Variants in KCNMA1 observed in about 807,000 individuals in gnomAD.
The protein encoded by KCNMA1 is Calcium-activated potassium channel subunit alpha-1.
KCNMA1 carries 29 observed loss-of-function variants against 140.0 expected under a neutral mutation model. The observed-to-expected ratio is 0.21, with a 90% CI of 0.15 to 0.28. KCNMA1 has a LOEUF of 0.28. KCNMA1 is among the 10% of genes least tolerant of loss of function. The probability of loss-of-function intolerance (pLI) is 1.00; values close to 1 mark genes in which losing one functional copy is unlikely to be tolerated. For synonymous variants in KCNMA1, 612 were observed against 611.9 expected, an observed-to-expected ratio of 1.00 and a Z score of 0.00; for missense variants, 880 against 1,602.2, an observed-to-expected ratio of 0.55 and a Z score of 7.70.
chr10:77,113,711 G>A (rs1388581349), intron 6 of KCNMA1, among the ~76,000 whole-genome samples: 13 of 152,204 alleles, frequency 8.5e-5, no homozygotes, highest in Admixed American at 2.0e-4. Context: ...TGATCTGCCC[G>A]CCTTGGCCTC....
chr10:77,574,955 C>T (rs2073476552), intron 1 of KCNMA1, among the ~76,000 whole-genome samples: 1 of 152,198 alleles, frequency 6.6e-6, no homozygotes, highest in South Asian at 2.1e-4. Flanking sequence ...CTGACCACTG[C>T]AGGGGCTGGG....
At chr10:77,567,610 C>T (rs75982477) in intron 1 of KCNMA1, among the ~76,000 whole-genome samples, 5,330 of 152,244 alleles carry the variant, frequency 0.035, 167 homozygotes, top group Non-Finnish European at 0.045. Context: ...CAGATCCTTT[C>T]AAAAACTATC....
At chr10:76,961,874 G>A (rs1565212952) in intron 20 of KCNMA1, among the ~76,000 whole-genome samples, 1 of 152,026 alleles carries the variant, frequency 6.6e-6, no homozygotes, top group African/African-American at 2.4e-5. Context: ...ATATGCACTA[G>A]AAAAAAAATG....
At chr10:77,452,377 T>TG (rs1566932723) in intron 1 of KCNMA1, among the ~76,000 whole-genome samples, 1 of 152,128 alleles carries the variant, frequency 6.6e-6, no homozygotes. Flanking sequence ...GAGCTGGGAA[T>TG]GGGGGGTTAA....
intron 1 of KCNMA1, among the ~76,000 whole-genome samples, chr10:77,557,903 G>T (rs1019596794): frequency 1.3e-5 from 2 of 152,018 alleles, no homozygotes; most frequent in African/African-American, 4.8e-5. Context: ...GCCGGCCTCG[G>T]GCTCCCCTCT....
chr10:77,165,823 A>G (rs1424571320), intron 5 of KCNMA1, among the ~76,000 whole-genome samples: 1 of 152,194 alleles, frequency 6.6e-6, no homozygotes, highest in East Asian at 1.9e-4. Flanking sequence ...GAAAGTTAAA[A>G]ACGTAGGACC....
At chr10:77,408,407 TGA>T (rs1328940730) in intron 1 of KCNMA1, among the ~76,000 whole-genome samples, 9 of 151,934 alleles carry the variant, frequency 5.9e-5, no homozygotes, top group Non-Finnish European at 1.2e-4. Flanking sequence ...TGTGCATGTG[TGA>T]GAGTGTGTGC....
At chr10:76,899,230 A>T (rs2043974631) in intron 25 of KCNMA1, among the ~76,000 whole-genome samples, 1 of 152,230 alleles carries the variant, frequency 6.6e-6, no homozygotes, top group Admixed American at 6.5e-5. Context: ...TTGTTGTTTG[A>T]CATATGTGTA....
At chr10:77,402,981 C>A (rs1392652299) in intron 2 of KCNMA1, among the ~76,000 whole-genome samples, 1 of 152,166 alleles carries the variant, frequency 6.6e-6, no homozygotes, top group African/African-American at 2.4e-5. Flanking sequence ...TAGGGCTTTC[C>A]TAGAGCATGG....
At chr10:77,015,713 G>A (rs1487481704) in intron 17 of KCNMA1, among the ~76,000 whole-genome samples, 1 of 151,856 alleles carries the variant, frequency 6.6e-6, no homozygotes, top group African/African-American at 2.4e-5. Context: ...CCTCATCTTG[G>A]TTAAGATCAA....
At chr10:76,956,216 C>A (rs367979274) in intron 20 of KCNMA1, among the ~76,000 whole-genome samples, 1 of 152,050 alleles carries the variant, frequency 6.6e-6, no homozygotes, top group Non-Finnish European at 1.5e-5. Context: ...AATAAGCAAG[C>A]CTGATGATCG....
intron 1 of KCNMA1, among the ~76,000 whole-genome samples, chr10:77,593,722 C>T (rs996850225): frequency 2.0e-5 from 3 of 152,194 alleles, no homozygotes; most frequent in Admixed American, 6.5e-5. Flanking sequence ...CAGCCCTGAG[C>T]GTAGGACTCA....
chr10:77,474,244 C>G (rs995590015), intron 1 of KCNMA1, among the ~76,000 whole-genome samples: 2 of 152,198 alleles, frequency 1.3e-5, no homozygotes, highest in African/African-American at 4.8e-5. Flanking sequence ...CCTGCAAATC[C>G]ACATGTTCAT....
chr10:77,095,480 C>T (rs1167989716), intron 9 of KCNMA1, among the ~76,000 whole-genome samples: 2 of 152,100 alleles, frequency 1.3e-5, no homozygotes, highest in African/African-American at 4.8e-5. Context: ...CAAGTAGTGC[C>T]TGGTGCTGGG....
chr10:77,439,130 G>T (rs574721241), intron 1 of KCNMA1, among the ~76,000 whole-genome samples: 8 of 144,856 alleles, frequency 5.5e-5, no homozygotes, highest in Admixed American at 1.4e-4. Context: ...GAGAAGAGAA[G>T]AGAAGAGAAG....
At chr10:77,004,369 A>G (rs1013743909) in intron 18 of KCNMA1, among the ~76,000 whole-genome samples, 3 of 152,154 alleles carry the variant, frequency 2.0e-5, no homozygotes, top group Non-Finnish European at 4.4e-5. Flanking sequence ...TCAAGGTGCC[A>G]CCAACTGGGA....
At chr10:77,377,979 C>G (rs550040964) in intron 2 of KCNMA1, among the ~76,000 whole-genome samples, 1 of 152,328 alleles carries the variant, frequency 6.6e-6, no homozygotes, top group African/African-American at 2.4e-5. Context: ...TTTGCCCTTT[C>G]CAGCATCACA....
intron 3 of KCNMA1, among the ~76,000 whole-genome samples, chr10:77,219,782 G>A (rs1399008025): frequency 6.6e-6 from 1 of 152,130 alleles, no homozygotes; most frequent in Non-Finnish European, 1.5e-5. Flanking sequence ...ACCACACCTG[G>A]CTAATTTAGC....
In KCNMA1 at chr10:77,028,033, G is replaced by A. The variant is rs565154809; in HGVS notation, c.1860-142C>T. 1.4e-4 allele frequency: 106 copies of A among 774,402 alleles called. No individual in the cohort carries two copies. In the African/African-American group the frequency reaches 1.6e-3, roughly 11 times the overall value. 48.0% of individuals were successfully genotyped at this position (774,402 alleles called of 1,614,324 possible). The stretch of plus-strand genomic sequence containing the variant: ...TCCACCGGCACTGTGCCAAAGGGAG[G>A]GGGTGGAAGCAACACCTCCCCATCT... On this transcript the variant is annotated intron_variant, in intron 15 of 27. Transcript: ENST00000286628.
Sources: gnomAD v4.1 joint callset for allele counts (sites outside exome capture counted in the v4.1 genomes callset) on GRCh38, gnomAD v4.1.1 for gene constraint, MANE v1.5 for transcripts, NCBI Gene and HGNC (gene_info 2026-07-23, HGNC 2026-07-21) for gene names.